Variants in SEMA3C observed in about 807,000 individuals in gnomAD.
SEMA3C encodes the protein semaphorin 3C.
A neutral mutation model predicts 89.4 loss-of-function variants in SEMA3C; 47 were observed. That is an observed-to-expected ratio of 0.53 (90% CI 0.42 to 0.67). The LOEUF (loss-of-function observed/expected upper bound fraction) is 0.67. SEMA3C is among the 30% of genes least tolerant of loss of function. The pLI is 0.00. For missense variants in SEMA3C, 839 were observed against 929.1 expected (o/e 0.90, Z 1.26); for synonymous variants, 310 against 320.2 (o/e 0.97, Z 0.34).
At chr7:80,782,408 GCTGA>G (rs1485203909) in intron 12 of SEMA3C, among the ~76,000 whole-genome samples, 6 of 152,138 alleles carry the variant, frequency 3.9e-5, no homozygotes, top group Non-Finnish European at 8.8e-5. Flanking sequence ...CAATGCTAAC[GCTGA>G]CTGTCAACAC....
At position 80,827,491 on chromosome 7, in the gene SEMA3C, C is replaced by T; in HGVS notation, c.265-4G>A. ...TTGTAGATGCTGGCCAGAAAACCTG[C>T]TCAGAAAGAAAAATAAAGGTTGCAT... On this transcript the variant is annotated splice_region_variant and splice_polypyrimidine_tract_variant and intron_variant, in intron 3 of 17. Coordinates refer to ENST00000265361, the MANE Select transcript of SEMA3C (RefSeq NM_006379.5). The T allele has an allele frequency of 6.3e-7, 1 of 1,594,192 alleles. No homozygotes were observed. Among genetic ancestry groups the T allele is most frequent in the Non-Finnish European group, 8.5e-7 (1 of 1,172,878 alleles).
chr7:80,814,998 C>T lies in SEMA3C; in HGVS notation c.447+3301G>A, dbSNP rs1789565701. ...AGTGACAACACAATTCTGTTCCTGC[C>T]ATTTTCTGCTGAAGATTGTTCCAAT... On this transcript the variant is annotated intron_variant, in intron 5 of 17. Transcript: ENST00000265361. Among the ~76,000 whole-genome samples the T allele has an allele frequency of 2.0e-5, 3 of 152,164 alleles. No homozygotes were observed. The South Asian group carries it at 6.2e-4, about 32-fold the overall frequency.
At chr7:80,778,629 AC>A (rs1160596163) in intron 12 of SEMA3C, among the ~76,000 whole-genome samples, 1 of 152,210 alleles carries the variant, frequency 6.6e-6, no homozygotes, top group Non-Finnish European at 1.5e-5. Context: ...TCATCAAACA[AC>A]CCATTTACTT....
At chr7:80,859,056 C>T (rs1790710812) in intron 2 of SEMA3C, among the ~76,000 whole-genome samples, 1 of 151,742 alleles carries the variant, frequency 6.6e-6, no homozygotes. Context: ...TTTGAAACTC[C>T]CTCGTGAAAC....
At chr7:80,868,443 T>C (rs1475868338) in intron 2 of SEMA3C, among the ~76,000 whole-genome samples, 1 of 151,916 alleles carries the variant, frequency 6.6e-6, no homozygotes, top group Non-Finnish European at 1.5e-5. Flanking sequence ...AATTTTTGTA[T>C]TTTTTGGTAG....
upstream of SEMA3C, among the ~76,000 whole-genome samples, chr7:80,921,752 G>A (rs1208639088): frequency 6.6e-6 from 1 of 152,122 alleles, no homozygotes; most frequent in East Asian, 1.9e-4. Flanking sequence ...TTTTAGAAAT[G>A]GTGCAGTATC....
intron 2 of SEMA3C, among the ~76,000 whole-genome samples, chr7:80,909,095 T>C (rs974936530): frequency 6.6e-6 from 1 of 152,196 alleles, no homozygotes; most frequent in Non-Finnish European, 1.5e-5. Flanking sequence ...TATGTGTGTG[T>C]GTGAGAGAGT....
intron 2 of SEMA3C, among the ~76,000 whole-genome samples, chr7:80,855,085 C>A (rs1790606763): frequency 6.6e-6 from 1 of 151,988 alleles, no homozygotes; most frequent in Non-Finnish European, 1.5e-5. Flanking sequence ...TTCTCTAAGC[C>A]CTTTCCATGA....
intron 2 of SEMA3C, among the ~76,000 whole-genome samples, chr7:80,903,488 C>G (rs1446131053): frequency 6.6e-6 from 1 of 152,042 alleles, no homozygotes; most frequent in Non-Finnish European, 1.5e-5. Flanking sequence ...TGGTGAAACC[C>G]CCGTCTCTAC....
At chr7:80,886,142 C>G (rs954584988) in intron 2 of SEMA3C, among the ~76,000 whole-genome samples, 2 of 152,126 alleles carry the variant, frequency 1.3e-5, no homozygotes, top group Non-Finnish European at 1.5e-5. Context: ...GTTGAAGATT[C>G]TATCTAATAG....
chr7:80,771,602 C>T (rs955666561), intron 12 of SEMA3C, among the ~76,000 whole-genome samples: 7 of 152,086 alleles, frequency 4.6e-5, no homozygotes, highest in African/African-American at 1.4e-4. Context: ...CTGCCTCATG[C>T]GAGTGATCAA....
At chr7:80,764,083 A>G (rs111328488) in intron 13 of SEMA3C, among the ~76,000 whole-genome samples, 1 of 152,292 alleles carries the variant, frequency 6.6e-6, no homozygotes, top group African/African-American at 2.4e-5. Context: ...ATCTAACAGC[A>G]CTGCACCCTA....
At position 80,891,998 on chromosome 7, in the gene SEMA3C, T is replaced by C. The variant is rs542047467; in HGVS notation, c.103+24681A>G. On this transcript the variant is annotated intron_variant, in intron 2 of 17. Coordinates refer to ENST00000265361, the MANE Select transcript of SEMA3C (RefSeq NM_006379.5). ...ACCTACCCATACGCTTAGGATACTA[T>C]CTTCCCCAAAAAATCTGAAACAGTA... 6.0e-4 allele frequency among the ~76,000 whole-genome samples: 92 copies of C among 152,278 alleles called. No homozygotes were observed. The South Asian group carries it at 8.1e-3, about 13-fold the overall frequency.
chr7:80,776,181 T>A (rs1030057924), intron 12 of SEMA3C, among the ~76,000 whole-genome samples: 3 of 151,946 alleles, frequency 2.0e-5, no homozygotes, highest in African/African-American at 7.2e-5. Context: ...AAGGTTCTCT[T>A]TTTGCAGTTA....
At chr7:80,794,788 T>C (rs1461874196) in intron 11 of SEMA3C, among the ~76,000 whole-genome samples, 1 of 152,228 alleles carries the variant, frequency 6.6e-6, no homozygotes, top group Non-Finnish European at 1.5e-5. Context: ...AGAGTTTTCA[T>C]TCTTTGGCTG....
At chr7:80,865,010 GGTTT>G (rs1314360423) in intron 2 of SEMA3C, among the ~76,000 whole-genome samples, 1 of 151,734 alleles carries the variant, frequency 6.6e-6, no homozygotes, top group African/African-American at 2.4e-5. Context: ...CATATTAAAC[GGTTT>G]GTTTTATCAC....
intron 6 of SEMA3C, among the ~76,000 whole-genome samples, chr7:80,809,432 A>G (rs1451274846): frequency 1.3e-5 from 2 of 152,188 alleles, no homozygotes; most frequent in African/African-American, 4.8e-5. Flanking sequence ...TCCTTTGGAT[A>G]TATACCCAGA....
chr7:80,768,512 TA>T (rs10562607), intron 12 of SEMA3C, among the ~76,000 whole-genome samples: 12,557 of 133,976 alleles, frequency 0.094, 782 homozygotes, highest in East Asian at 0.29. Flanking sequence ...AGACTCCGTC[TA>T]AAAAAAAAAA....
intron 2 of SEMA3C, among the ~76,000 whole-genome samples, chr7:80,911,646 C>T (rs1307588959): frequency 3.4e-5 from 5 of 148,954 alleles, no homozygotes; most frequent in African/African-American, 1.2e-4. Flanking sequence ...GAGAGTCTCA[C>T]TCTCTTGCTC....
Sources: allele counts gnomAD v4.1 joint callset (sites outside exome capture counted in the v4.1 genomes callset), GRCh38; gene constraint gnomAD v4.1.1; transcripts MANE v1.5; gene names NCBI Gene and HGNC (gene_info 2026-07-23, HGNC 2026-07-21).